The following STXBP4 variants were observed in gnomAD, a reference collection of about 807,000 sequenced individuals.
STXBP4 encodes syntaxin-binding protein 4.
A neutral mutation model predicts 76.1 loss-of-function variants in STXBP4; 55 were observed. The ratio of observed to expected loss-of-function variants is 0.72; its 90% confidence interval spans 0.58 to 0.91. The LOEUF (loss-of-function observed/expected upper bound fraction) is 0.91, where lower values mean the gene tolerates loss of function less well. Ranked by LOEUF, STXBP4 falls within the 40% of genes least tolerant of loss-of-function variation. The pLI, the probability that STXBP4 is intolerant of heterozygous loss-of-function variation, is 0.00. For synonymous variants in STXBP4, 201 were observed against 220.2 expected, an observed-to-expected ratio of 0.91 and a Z score of 0.77; for missense variants, 618 against 636.9, an observed-to-expected ratio of 0.97 and a Z score of 0.32.
intron 16 of STXBP4, among the ~76,000 whole-genome samples, chr17:55,133,317 TG>T (rs1295836477): frequency 6.6e-6 from 1 of 151,736 alleles, no homozygotes; most frequent in Non-Finnish European, 1.5e-5. Flanking sequence ...TAGAAATTGA[TG>T]GGGAGAGCTG....
At chr17:55,001,268 A>G (rs2077909332) in intron 7 of STXBP4, among the ~76,000 whole-genome samples, 1 of 152,212 alleles carries the variant, frequency 6.6e-6, no homozygotes, top group South Asian at 2.1e-4. Context: ...AAGGGAGCAT[A>G]CCTTAAGAAA....
intron 16 of STXBP4, among the ~76,000 whole-genome samples, chr17:55,114,298 A>G (rs574967209): frequency 1.3e-5 from 2 of 152,214 alleles, no homozygotes; most frequent in African/African-American, 4.8e-5. Context: ...TGAGAATTAT[A>G]CTTGTCTATA....
the STXBP4 span, among the ~76,000 whole-genome samples, chr17:55,195,005 C>T: frequency 6.6e-6 from 1 of 152,154 alleles, no homozygotes; most frequent in Non-Finnish European, 1.5e-5. Flanking sequence ...GTGCATACCA[C>T]CTAAATATCA....
downstream of STXBP4, among the ~76,000 whole-genome samples, chr17:55,178,611 A>G (rs2080439258): frequency 1.3e-5 from 2 of 152,204 alleles, no homozygotes; most frequent in South Asian, 4.1e-4. Context: ...ACATATAAGG[A>G]GATTTATTGT....
At chr17:55,015,758 G>C (rs2078196864) in intron 8 of STXBP4, among the ~76,000 whole-genome samples, 1 of 151,658 alleles carries the variant, frequency 6.6e-6, no homozygotes, top group African/African-American at 2.4e-5. Flanking sequence ...GGAGTCGGGG[G>C]GACGCTGGGG....
intron 10 of STXBP4, among the ~76,000 whole-genome samples, chr17:55,034,674 C>G (rs1475711132): frequency 6.6e-6 from 1 of 152,016 alleles, no homozygotes; most frequent in East Asian, 1.9e-4. Flanking sequence ...TAATTAGCAT[C>G]CAGATCAAGA....
Position 55,172,085 on chromosome 17 carries a change from CT to C in STXBP4, c.*12180del, listed in dbSNP as rs1680763829. 1.3e-5 allele frequency: 2 copies of C among 152,144 alleles called. No individual in the cohort carries two copies. Among genetic ancestry groups the C allele is most frequent in the African/African-American group, 4.8e-5 (2 of 41,406 alleles). 9.4% of individuals were successfully genotyped at this position (152,144 alleles called of 1,614,324 possible). On this transcript the variant is annotated 3_prime_UTR_variant, in exon 18 of 18. Transcript: ENST00000376352. ...CTCTCACTTAGAGGCATATCTAAGA[CT>C]TTTTTCTTGTGGAGGGAGCTCACTC...
intron 10 of STXBP4, among the ~76,000 whole-genome samples, chr17:55,041,228 C>CTTTT (rs373020633): frequency 7.4e-5 from 9 of 122,222 alleles, no homozygotes; most frequent in African/African-American, 2.1e-4. Context: ...TTTATTTAAA[C>CTTTT]TTTTTTTTTT....
In STXBP4 at chr17:55,169,444, G is replaced by C. The variant is rs2080394936; in HGVS notation, c.*9533G>C. The C allele has an allele frequency of 6.6e-6, 1 of 152,206 alleles. No individual in the cohort carries two copies. 9.4% of individuals were successfully genotyped at this position (152,206 alleles called of 1,614,324 possible). A position where few individuals can be genotyped will look rare whatever the true frequency, so the allele number is the denominator to read the frequency against. ...TCAAAGCATGTTCCTGTAGCCTGAGGACAGCCGTCCAACAAAGAGGTGCAG... is the reference window on the plus strand; with the variant it reads ...TCAAAGCATGTTCCTGTAGCCTGAGCACAGCCGTCCAACAAAGAGGTGCAG... On this transcript the variant is annotated 3_prime_UTR_variant, in exon 18 of 18. Transcript: ENST00000376352.
intron 12 of STXBP4, among the ~76,000 whole-genome samples, chr17:55,049,369 G>T (rs2144769919): frequency 6.6e-6 from 1 of 151,806 alleles, no homozygotes; most frequent in South Asian, 2.1e-4. Context: ...GTGCATGGAT[G>T]AAAAAAATAG....
chr17:54,993,871 A>G (rs2077757758), intron 4 of STXBP4, among the ~76,000 whole-genome samples: 1 of 152,212 alleles, frequency 6.6e-6, no homozygotes, highest in Non-Finnish European at 1.5e-5. Context: ...ATTATATTTC[A>G]TTTATATTTT....
At chr17:55,147,663 GTAT>G (rs2080172291) in intron 17 of STXBP4, among the ~76,000 whole-genome samples, 1 of 152,118 alleles carries the variant, frequency 6.6e-6, no homozygotes, top group South Asian at 2.1e-4. Flanking sequence ...CACATAGGCA[GTAT>G]TATTCTTAGA....
intron 12 of STXBP4, among the ~76,000 whole-genome samples, chr17:55,059,112 C>G (rs1254139014): frequency 6.6e-6 from 1 of 151,682 alleles, no homozygotes; most frequent in Admixed American, 6.6e-5. Context: ...TTAATTTTGT[C>G]CATACTTATT....
intron 17 of STXBP4, among the ~76,000 whole-genome samples, chr17:55,149,510 A>AT (rs771231101): frequency 6.6e-6 from 1 of 152,194 alleles, no homozygotes; most frequent in Non-Finnish European, 1.5e-5. Flanking sequence ...ATTGAATGAA[A>AT]TTTGGGGTAA....
At chr17:55,152,491 T>C (rs2145178446) in intron 17 of STXBP4, among the ~76,000 whole-genome samples, 1 of 152,282 alleles carries the variant, frequency 6.6e-6, no homozygotes, top group South Asian at 2.1e-4. Flanking sequence ...GGGTAATTTA[T>C]AAACAAAGGA....
intron 8 of STXBP4, among the ~76,000 whole-genome samples, chr17:55,010,438 GA>G (rs1274874299): frequency 6.6e-6 from 1 of 152,010 alleles, no homozygotes; most frequent in African/African-American, 2.4e-5. Flanking sequence ...TGAATACTCT[GA>G]GAATGATTTA....
intron 16 of STXBP4, among the ~76,000 whole-genome samples, chr17:55,126,421 AG>A (rs1376156444): frequency 1.3e-5 from 2 of 152,212 alleles, no homozygotes; most frequent in African/African-American, 4.8e-5. Context: ...AAATGCTAAA[AG>A]TATAATACCT....
At chr17:55,048,153 T>C (rs556881278) in intron 12 of STXBP4, among the ~76,000 whole-genome samples, 6 of 151,938 alleles carry the variant, frequency 3.9e-5, no homozygotes, top group Non-Finnish European at 8.8e-5. Context: ...GAAGAATCAT[T>C]GTTTCTGAGG....
intron 10 of STXBP4, among the ~76,000 whole-genome samples, chr17:55,042,400 T>C (rs938122186): frequency 2.0e-5 from 3 of 151,806 alleles, no homozygotes; most frequent in South Asian, 4.1e-4. Flanking sequence ...AAGTGGTTGA[T>C]ATTATTAATT....
Sources: gnomAD v4.1 joint callset for allele counts (sites outside exome capture counted in the v4.1 genomes callset) on GRCh38, gnomAD v4.1.1 for gene constraint, MANE v1.5 for transcripts, NCBI Gene and HGNC (gene_info 2026-07-23, HGNC 2026-07-21) for gene names.